WDR59: variants seen among roughly 807,000 people sequenced by gnomAD.
WDR59 encodes GATOR2 complex protein WDR59.
WDR59 carries 100 observed loss-of-function variants against 131.2 expected under a neutral mutation model. That is an observed-to-expected ratio of 0.76 (90% confidence interval 0.65 to 0.90). The LOEUF (loss-of-function observed/expected upper bound fraction) is 0.90, where lower values mean the gene tolerates loss of function less well. Among genes scored for constraint, WDR59 ranks in the 40% least tolerant of loss-of-function variants. The pLI, the probability that WDR59 is intolerant of heterozygous loss-of-function variation, is 0.00. For missense variants in WDR59, 1,203 were observed against 1,262.2 expected, an observed-to-expected ratio of 0.95 and a Z score of 0.71; for synonymous variants, 601 against 466.2, an observed-to-expected ratio of 1.29 and a Z score of -3.72.
At chr16:74,953,157 C>T (rs2033098930) in intron 3 of WDR59, among the ~76,000 whole-genome samples, 1 of 152,110 alleles carries the variant, frequency 6.6e-6, no homozygotes, top group African/African-American at 2.4e-5. Flanking sequence ...CTCAGATTTC[C>T]CTAACTAAAG....
At chr16:74,896,828 T>C (rs529433633) in intron 18 of WDR59, among the ~76,000 whole-genome samples, 135 of 152,274 alleles carry the variant, frequency 8.9e-4, no homozygotes, top group African/African-American at 3.2e-3. Flanking sequence ...TGCTCCTGGA[T>C]TGCTCATTCT....
intron 25 of WDR59, among the ~76,000 whole-genome samples, chr16:74,877,271 T>G (rs1167167245): frequency 6.6e-6 from 1 of 152,152 alleles, no homozygotes; most frequent in Non-Finnish European, 1.5e-5. Flanking sequence ...CAAAGGTATC[T>G]TAACATTTTT....
rs557460723 is a variant in WDR59 at position 74,873,484 on chromosome 16, C to G, written c.*725G>C. 6.6e-6 allele frequency: 1 copy of G among 152,222 alleles called. No homozygotes were observed. The highest frequency in any genetic ancestry group is 2.4e-5 in the African/African-American group (1 of 41,524). The allele number at this position is 152,222 out of a possible 1,614,324, so 9.4% of individuals were successfully genotyped here. Reference sequence around the variant, plus strand: ...GATGACAAAAGTAAATCAGCATTTCCTTTAAAAATCGGAGCACTGACTTTG... The same window carrying G: ...GATGACAAAAGTAAATCAGCATTTCGTTTAAAAATCGGAGCACTGACTTTG... On this transcript the variant is annotated 3_prime_UTR_variant, in exon 26 of 26. Transcript: ENST00000262144.
At chr16:74,920,806 G>C (rs939284876) in intron 10 of WDR59, among the ~76,000 whole-genome samples, 3 of 152,098 alleles carry the variant, frequency 2.0e-5, no homozygotes, top group African/African-American at 7.2e-5. Context: ...ATTTGCAAAA[G>C]GTTCAGAAAC....
At chr16:74,955,748 C>T (rs927595346) in intron 3 of WDR59, among the ~76,000 whole-genome samples, 1 of 152,026 alleles carries the variant, frequency 6.6e-6, no homozygotes, top group Non-Finnish European at 1.5e-5. Flanking sequence ...GTGGTCCTGC[C>T]CCTGGTGAAT....
At position 74,949,665 on chromosome 16, in the gene WDR59, A is replaced by T. The variant is rs1220109770; in HGVS notation, c.407+53T>A. ...AACTAAGACACTTGATCTCTAAAAC[A>T]AAGGTCCCAAATCACCCCCAACCAA... is the stretch of plus-strand genomic sequence containing the variant. On this transcript the variant is annotated intron_variant, in intron 5 of 25. Coordinates refer to ENST00000262144, the MANE Select transcript of WDR59 (RefSeq NM_030581.4). 8.4e-6 allele frequency: 13 copies of T among 1,543,610 alleles called. No individual in the cohort carries two copies. In the African/African-American group the frequency reaches 1.4e-4, roughly 16 times the overall value.
At position 74,951,505 on chromosome 16, in the gene WDR59, G is replaced by A. The variant is rs758318799; in HGVS notation, c.279C>T (p.Gly93=). The A allele has an allele frequency of 8.1e-6, 13 of 1,602,722 alleles. No individual in the cohort carries two copies. Among genetic ancestry groups the A allele is most frequent in the Middle Eastern group, 1.6e-4 (1 of 6,066 alleles). ...GTAAGGTTGTGCCAACTTCCCCACT[G>A]CCGTCTTTCCACTTGTAAAGGTCTA... ...QRVDLYKWKD[G]SGEVGTTLQG... Residue 93 remains glycine, a synonymous_variant, in exon 4 of 26, where the codon GGC becomes GGT. Transcript: ENST00000262144.
Position 74,873,282 on chromosome 16 carries a change from G to T in WDR59, c.*927C>A, listed in dbSNP as rs77693360. 12,518 of 152,256 alleles carry T rather than the reference G, an allele frequency of 0.082. 623 individuals carry two copies. The highest frequency in any genetic ancestry group is 0.091 in the African/African-American group (3,794 of 41,522). 9.4% of individuals were successfully genotyped at this position (152,256 alleles called of 1,614,324 possible). A position where few individuals can be genotyped will look rare whatever the true frequency, so the allele number is the denominator to read the frequency against. On this transcript the variant is annotated 3_prime_UTR_variant, in exon 26 of 26. Transcript: ENST00000262144. ...GCTGGTCTCGAACTCCTGAGCTCAG[G>T]TGATCCCCTCACTTTTGCCTTCTAA...
At chr16:74,960,192 A>C (rs369318560) in intron 2 of WDR59, among the ~76,000 whole-genome samples, 2 of 151,976 alleles carry the variant, frequency 1.3e-5, no homozygotes, top group East Asian at 3.9e-4. Context: ...TTAGCTGGGC[A>C]TGGCAGCGTG....
chr16:74,927,908 C>CTTTTTTTTTTTTTTTTT (rs539167503), intron 8 of WDR59, among the ~76,000 whole-genome samples: 1 of 124,490 alleles, frequency 8.0e-6, no homozygotes, highest in Non-Finnish European at 1.6e-5. Flanking sequence ...TTCTTTCTTT[C>CTTTTTTTTTTTTTTTTT]TTTTTTTTTT....
intron 8 of WDR59, among the ~76,000 whole-genome samples, chr16:74,924,637 A>G (rs1383255169): frequency 6.6e-6 from 1 of 152,148 alleles, no homozygotes; most frequent in Non-Finnish European, 1.5e-5. Context: ...CCTTAGAGAC[A>G]CCTATGCTTC....
intron 25 of WDR59, among the ~76,000 whole-genome samples, chr16:74,880,726 A>T (rs113406680): frequency 0.015 from 2,295 of 152,352 alleles, 42 homozygotes; most frequent in African/African-American, 0.05. Flanking sequence ...CTTGGGTCCT[A>T]ACGGACAAAC....
intron 8 of WDR59, among the ~76,000 whole-genome samples, chr16:74,931,832 C>T (rs1174145934): frequency 1.3e-5 from 2 of 151,852 alleles, no homozygotes; most frequent in African/African-American, 4.8e-5. Context: ...TGTGATTGTG[C>T]CATTGTATTC....
intron 4 of WDR59, 24 bp downstream of exon 4, chr16:74,951,434 G>A: frequency 6.3e-7 from 1 of 1,576,792 alleles, no homozygotes; most frequent in Non-Finnish European, 8.6e-7. Context: ...GACAGCCAAA[G>A]AGCTGTGGAG....
intron 8 of WDR59, among the ~76,000 whole-genome samples, chr16:74,935,802 T>C (rs577747478): frequency 6.6e-6 from 1 of 152,048 alleles, no homozygotes; most frequent in South Asian, 2.1e-4. Context: ...ATTGAGACCA[T>C]CCTGGCCAAC....
intron 1 of WDR59, among the ~76,000 whole-genome samples, chr16:74,966,429 G>A (rs535182118): frequency 6.6e-6 from 1 of 152,008 alleles, no homozygotes; most frequent in East Asian, 1.9e-4. Context: ...GCAGTGACTC[G>A]AGATTGAGCC....
chr16:74,901,285 C>T (rs1965537790), intron 18 of WDR59, among the ~76,000 whole-genome samples: 1 of 151,876 alleles, frequency 6.6e-6, no homozygotes, highest in South Asian at 2.1e-4. Context: ...CAAAAACCCA[C>T]TATACTTCCC....
intron 25 of WDR59, among the ~76,000 whole-genome samples, chr16:74,875,630 TAAC>T (rs1964177758): frequency 6.6e-6 from 1 of 152,164 alleles, no homozygotes; most frequent in East Asian, 1.9e-4. Flanking sequence ...CCATCACCAC[TAAC>T]CCTTCAGTCC....
chr16:74,959,440 T>A, intron 2 of WDR59: 1 of 405,054 alleles, frequency 2.5e-6, no homozygotes, highest in South Asian at 1.7e-5. Context: ...GGAGGAAACC[T>A]GAAGGATAGG....
Sources: gnomAD v4.1 joint callset for allele counts (sites outside exome capture counted in the v4.1 genomes callset) on GRCh38, gnomAD v4.1.1 for gene constraint, MANE v1.5 for transcripts, NCBI Gene and HGNC (gene_info 2026-07-23, HGNC 2026-07-21) for gene names.